The following GLP2R variants were observed in gnomAD, a reference collection of about 807,000 sequenced individuals.
The protein encoded by GLP2R is glucagon like peptide 2 receptor, also known as glucagon-like peptide 2 receptor.
In GLP2R, 59 loss-of-function variants were observed where a neutral mutation model predicts 68.2. The ratio of observed to expected loss-of-function variants is 0.87; its 90% CI spans 0.70 to 1.07. The LOEUF (loss-of-function observed/expected upper bound fraction) is 1.07. Ranked by LOEUF, GLP2R falls within the 50% of genes least tolerant of loss-of-function variation. The pLI, the probability that GLP2R is intolerant of heterozygous loss-of-function variation, is 0.00. For synonymous variants in GLP2R, 270 were observed against 265.4 expected, an observed-to-expected ratio of 1.02 and a Z score of -0.17; for missense variants, 548 against 677.4, an observed-to-expected ratio of 0.81 and a Z score of 2.12.
At chr17:9,882,007 T>C (rs963487980) in intron 11 of GLP2R, among the ~76,000 whole-genome samples, 6 of 134,754 alleles carry the variant, frequency 4.5e-5, no homozygotes, top group Non-Finnish European at 1.6e-5. Flanking sequence ...CAATTGTCAA[T>C]AGCAACCATT....
intron 11 of GLP2R, among the ~76,000 whole-genome samples, chr17:9,885,148 T>TTTATTATTATTA (rs3073992): frequency 2.8e-5 from 4 of 143,370 alleles, no homozygotes; most frequent in South Asian, 2.3e-4. Flanking sequence ...TAGTAACCAT[T>TTTATTATTATTA]TTATTATTAT....
chr17:9,883,967 G>A (rs556349990), intron 11 of GLP2R, among the ~76,000 whole-genome samples: 1 of 152,278 alleles, frequency 6.6e-6, no homozygotes, highest in South Asian at 2.1e-4. Context: ...GAAAGGCTAT[G>A]TGTAGGTTTT....
intron 9 of GLP2R, among the ~76,000 whole-genome samples, chr17:9,867,723 G>A (rs2067052393): frequency 6.6e-6 from 1 of 152,162 alleles, no homozygotes; most frequent in Non-Finnish European, 1.5e-5. Flanking sequence ...AACAGACCCG[G>A]TGAAATGGCT....
rs542184844 is a variant in GLP2R at position 9,862,769 on chromosome 17, C to A, written c.1056+679C>A. ...AGAGGGAGGCGGAAAGTATTCCTGC[C>A]TAGACACACCACCATAATCTTCGCG... On this transcript the variant is annotated intron_variant, in intron 9 of 12. Coordinates refer to ENST00000262441, the MANE Select transcript of GLP2R (RefSeq NM_004246.3). Among the ~76,000 whole-genome samples the A allele has an allele frequency of 8.5e-5, 13 of 152,284 alleles. No individual in the cohort carries two copies. In the South Asian group the frequency reaches 2.7e-3, roughly 32 times the overall value.
intron 11 of GLP2R, among the ~76,000 whole-genome samples, chr17:9,880,887 C>A (rs2067189093): frequency 6.6e-6 from 1 of 152,136 alleles, no homozygotes; most frequent in Non-Finnish European, 1.5e-5. Context: ...GACATGTACA[C>A]AGAATGCAAC....
At chr17:9,860,993 G>C in intron 7 of GLP2R, 146 bp from the exon 8 acceptor site, 1 of 645,758 alleles carries the variant, frequency 1.5e-6, no homozygotes, top group East Asian at 2.6e-5. Context: ...TGCCACCCTG[G>C]GTCTCTCCAG....
intron 9 of GLP2R, 82 bp downstream of exon 9, chr17:9,862,172 C>G (rs1300315815): frequency 1.0e-6 from 1 of 976,478 alleles, no homozygotes; most frequent in Non-Finnish European, 1.7e-6. Flanking sequence ...CTTCTGTCCC[C>G]CAGGTTCTCT....
chr17:9,841,923 G>A (rs1236245354), intron 3 of GLP2R, among the ~76,000 whole-genome samples: 2 of 152,168 alleles, frequency 1.3e-5, no homozygotes, highest in Non-Finnish European at 2.9e-5. Flanking sequence ...GTCTGTATGC[G>A]CAGAGGGATT....
chr17:9,871,107 C>T (rs1487712146), intron 10 of GLP2R, among the ~76,000 whole-genome samples: 1 of 152,126 alleles, frequency 6.6e-6, no homozygotes, highest in Non-Finnish European at 1.5e-5. Context: ...ATGTCTCAGA[C>T]CTGTAATCCC....
Position 9,890,317 on chromosome 17 carries a change from C to T in GLP2R, c.*612C>T. ...AGGATGCTGCAAGAGACAGTCTGCT[C>T]TCCCAGGTCAGCTGGGGTGTGCCTG... On this transcript the variant is annotated 3_prime_UTR_variant, in exon 13 of 13. Coordinates refer to ENST00000262441, the MANE Select transcript of GLP2R (RefSeq NM_004246.3). 1 of 315,006 alleles carries T rather than the reference C, an allele frequency of 3.2e-6. No homozygotes were observed. The highest frequency in any genetic ancestry group is 6.2e-6 in the Non-Finnish European group (1 of 161,042). 19.5% of individuals were successfully genotyped at this position (315,006 alleles called of 1,614,324 possible).
intron 4 of GLP2R, among the ~76,000 whole-genome samples, chr17:9,850,605 G>A (rs2066882017): frequency 6.6e-6 from 1 of 151,924 alleles, no homozygotes; most frequent in Admixed American, 6.6e-5. Flanking sequence ...GTGGGATTAA[G>A]CTCCAGCTTC....
intron 1 of GLP2R, among the ~76,000 whole-genome samples, chr17:9,828,715 C>T (rs1005521404): frequency 1.2e-4 from 19 of 152,154 alleles, no homozygotes; most frequent in African/African-American, 3.9e-4. Flanking sequence ...TTCCGGAGTG[C>T]TCTTGGGAGT....
rs71139004 is a variant in GLP2R, at chr17:9,844,668, CTTTTTTTTTTTTTTTTTT to C, written c.504+2073_504+2090del. On this transcript the variant is annotated intron_variant, in intron 4 of 12. Coordinates refer to ENST00000262441, the MANE Select transcript of GLP2R (RefSeq NM_004246.3). ...ATTCTCAATATTTTACTACCTAATTCTTTTTTTTTTTTTTTTTTTTTTTTTTTTTTTTTTTTTTGTGAG... is the reference window on the plus strand; with the variant it reads ...ATTCTCAATATTTTACTACCTAATTCTTTTTTTTTTTTTTTTTTTTGTGAG... 1.9e-3 allele frequency among the ~76,000 whole-genome samples: 86 copies of C among 44,310 alleles called. 1 individual carries two copies. The highest frequency in any genetic ancestry group is 4.5e-3 in the African/African-American group (64 of 14,214). The allele number at this position is 44,310 out of a possible 152,430, so 29.1% of individuals were successfully genotyped here. A position where few individuals can be genotyped will look rare whatever the true frequency, so the allele number is the denominator to read the frequency against.
chr17:9,865,230 T>C (rs561736774), intron 9 of GLP2R, among the ~76,000 whole-genome samples: 17 of 152,272 alleles, frequency 1.1e-4, no homozygotes, highest in Admixed American at 1.1e-3. Flanking sequence ...TCAAGTCCTG[T>C]CAATTCTTCT....
At chr17:9,836,757 G>GCATTTATCT (rs1294120296) in intron 3 of GLP2R, among the ~76,000 whole-genome samples, 1 of 151,924 alleles carries the variant, frequency 6.6e-6, no homozygotes, top group Non-Finnish European at 1.5e-5. Context: ...ATCCCCTCAA[G>GCATTTATCT]CATTTATCTT....
In GLP2R at chr17:9,855,450, C is replaced by A. The variant is rs891623636; in HGVS notation, c.611+849C>A. Among the ~76,000 whole-genome samples the A allele has an allele frequency of 3.3e-5, 5 of 152,272 alleles. No homozygotes were observed. The East Asian group carries it at 9.6e-4, about 29-fold the overall frequency. On this transcript the variant is annotated intron_variant, in intron 5 of 12. Coordinates refer to ENST00000262441, the MANE Select transcript of GLP2R (RefSeq NM_004246.3). ...CCCTGGTGTAAATCCCTAATCACACCCATTACCACCACAGCCCATTCCCAC... is the reference window on the plus strand; with the variant it reads ...CCCTGGTGTAAATCCCTAATCACACACATTACCACCACAGCCCATTCCCAC...
intron 4 of GLP2R, among the ~76,000 whole-genome samples, chr17:9,850,838 C>T (rs933719427): frequency 4.6e-5 from 7 of 152,110 alleles, no homozygotes; most frequent in East Asian, 3.9e-4. Context: ...GGAATACAGG[C>T]GCACACCACC....
At position 9,841,417 on chromosome 17, in the gene GLP2R, G is replaced by T. The variant is rs151180979; in HGVS notation, c.383-1078G>T. On this transcript the variant is annotated intron_variant, in intron 3 of 12. Transcript: ENST00000262441. ...GACTGTCAGAGGAGTCCCATCTCCC[G>T]GTGGGAGGTGATGGTTCCACAGGAT... 8.8e-3 allele frequency among the ~76,000 whole-genome samples: 1,346 copies of T among 152,196 alleles called. 18 individuals are homozygous for T. Among genetic ancestry groups the T allele is most frequent in the African/African-American group, 0.03 (1,262 of 41,500 alleles).
intron 1 of GLP2R, among the ~76,000 whole-genome samples, chr17:9,830,902 G>A (rs1227147210): frequency 3.3e-5 from 5 of 152,256 alleles, no homozygotes; most frequent in African/African-American, 7.2e-5. Flanking sequence ...AGCTTGAGAA[G>A]TTGTGCAATG....
Sources: allele counts gnomAD v4.1 joint callset (sites outside exome capture counted in the v4.1 genomes callset), GRCh38; gene constraint gnomAD v4.1.1; transcripts MANE v1.5; gene names NCBI Gene and HGNC (gene_info 2026-07-23, HGNC 2026-07-21).